The following LCOR variants were observed in gnomAD, a reference collection of about 807,000 sequenced individuals.
LCOR encodes ligand-dependent corepressor.
LCOR carries 14 observed loss-of-function variants against 64.4 expected under a neutral mutation model. The observed-to-expected ratio is 0.22, with a 90% CI of 0.14 to 0.34. LCOR has a LOEUF of 0.34. Ranked by LOEUF, LCOR falls within the 10% of genes least tolerant of loss-of-function variation. LCOR has a pLI of 1.00. For synonymous variants in LCOR, 643 were observed against 642.5 expected (o/e 1.00, Z -0.01); for missense variants, 1,686 against 1,765.3 (o/e 0.96, Z 0.80).
At chr10:96,832,665 C>G (rs868150320) in intron 1 of LCOR, among the ~76,000 whole-genome samples, 1 of 150,748 alleles carries the variant, frequency 6.6e-6, no homozygotes, top group Non-Finnish European at 1.5e-5. Context: ...GTTCCTCCCC[C>G]TCCCGCTCTC....
intron 2 of LCOR, among the ~76,000 whole-genome samples, chr10:96,901,057 C>T (rs1294495651): frequency 2.0e-5 from 3 of 151,830 alleles, no homozygotes; most frequent in Admixed American, 6.6e-5. Context: ...GGCGTGGTGG[C>T]GGGCGCCTAT....
At chr10:96,844,130 TTCCC>T (rs145650900) in intron 2 of LCOR, among the ~76,000 whole-genome samples, 1 of 65,138 alleles carries the variant, frequency 1.5e-5, no homozygotes, top group African/African-American at 7.2e-5. Context: ...CCTCCCTTCC[TTCCC>T]TCCCTCCCTC....
rs1371771053 is a variant in LCOR at position 96,989,695 on chromosome 10, A to ATATATATATAT, written c.*4562_*4563insATATATATATT. The stretch of plus-strand genomic sequence containing the variant: ...TAAGGATATATATATATATATATAT[A>ATATATATATAT]TTTTTTTTTTTTTTTTTTTTTTTTA... On this transcript the variant is annotated 3_prime_UTR_variant, in exon 8 of 8. Transcript: ENST00000421806. 4.6e-5 allele frequency: 4 copies of ATATATATATAT among 86,160 alleles called. No individual in the cohort carries two copies. Among genetic ancestry groups the ATATATATATAT allele is most frequent in the South Asian group, 4.4e-4 (1 of 2,256 alleles). 5.3% of individuals were successfully genotyped at this position (86,160 alleles called of 1,614,324 possible).
At chr10:96,851,984 GAGTC>G (rs1184225885) in intron 2 of LCOR, among the ~76,000 whole-genome samples, 1 of 152,208 alleles carries the variant, frequency 6.6e-6, no homozygotes, top group Non-Finnish European at 1.5e-5. Flanking sequence ...TATAAATTGA[GAGTC>G]AGGAATGATG....
At position 96,833,840 on chromosome 10, in the gene LCOR, C is replaced by G. The variant is rs979751686; in HGVS notation, c.-330+361C>G. ...GTGTCCATTCAGCGGCAATTTCATGCGGTGAGAAGTTCTCTTTGTTGTGCG... is the reference window on the plus strand; with the variant it reads ...GTGTCCATTCAGCGGCAATTTCATGGGGTGAGAAGTTCTCTTTGTTGTGCG... On this transcript the variant is annotated intron_variant, in intron 2 of 7. Coordinates refer to ENST00000421806, the MANE Select transcript of LCOR (RefSeq NM_001346516.2). 4.6e-5 allele frequency among the ~76,000 whole-genome samples: 7 copies of G among 152,046 alleles called. No homozygotes were observed. The South Asian group carries it at 1.5e-3, about 32-fold the overall frequency.
intron 7 of LCOR, chr10:96,962,824 C>T (rs763045498): frequency 3.9e-5 from 6 of 152,134 alleles, no homozygotes; most frequent in Non-Finnish European, 8.8e-5. Flanking sequence ...ATAACCTCCA[C>T]TTAAAGCTGT....
intron 2 of LCOR, among the ~76,000 whole-genome samples, chr10:96,884,868 ACT>A (rs1192041140): frequency 6.6e-6 from 1 of 151,974 alleles, no homozygotes; most frequent in Non-Finnish European, 1.5e-5. Context: ...TAATCAGTGC[ACT>A]CTCAGCTCTG....
intron 7 of LCOR, among the ~76,000 whole-genome samples, chr10:96,971,956 C>T (rs569400706): frequency 1.4e-4 from 22 of 152,102 alleles, no homozygotes; most frequent in Admixed American, 5.2e-4. Flanking sequence ...AAAACTTGAA[C>T]GTACAGATGA....
At chr10:96,934,043 A>G (rs1847307779) in intron 4 of LCOR, among the ~76,000 whole-genome samples, 2 of 152,134 alleles carry the variant, frequency 1.3e-5, no homozygotes, top group African/African-American at 4.8e-5. Context: ...TGTGATGTTC[A>G]CCTTAGCAAA....
chr10:96,853,427 G>C (rs919256519), intron 2 of LCOR, among the ~76,000 whole-genome samples: 3 of 152,216 alleles, frequency 2.0e-5, no homozygotes, highest in African/African-American at 7.2e-5. Context: ...TAGTGTTTCA[G>C]TTACCTGATG....
At chr10:96,876,515 A>T (rs1385710508) in intron 2 of LCOR, among the ~76,000 whole-genome samples, 1 of 152,262 alleles carries the variant, frequency 6.6e-6, no homozygotes, top group East Asian at 1.9e-4. Context: ...GACAAAAGCC[A>T]TATAATTAAA....
Position 96,833,415 on chromosome 10 carries a change from C to G in LCOR, c.-394C>G. 1.0e-6 allele frequency: 1 copy of G among 985,994 alleles called. No homozygotes were observed. The highest frequency in any genetic ancestry group is 4.7e-5 in the South Asian group (1 of 21,292). The allele number at this position is 985,994 out of a possible 1,614,324, so 61.1% of individuals were successfully genotyped here. ...GTTTTTCTCTCCCAAGGTCCCGTTT[C>G]CCTCTGTGCGGCGGCCGGCGGGACC... On this transcript the variant is annotated 5_prime_UTR_variant, in exon 2 of 8. Transcript: ENST00000421806.
At chr10:96,977,495 A>G (rs1378416090) in intron 7 of LCOR, among the ~76,000 whole-genome samples, 2 of 152,250 alleles carry the variant, frequency 1.3e-5, no homozygotes, top group Non-Finnish European at 2.9e-5. Flanking sequence ...ATCAGGAAGA[A>G]TAAATTATGT....
rs559883630 is a variant in LCOR at position 96,860,696 on chromosome 10, C to T, written c.-330+27217C>T. Among the ~76,000 whole-genome samples, 12 of 152,170 alleles carry T rather than the reference C, an allele frequency of 7.9e-5. No individual in the cohort carries two copies. In the South Asian group the frequency reaches 1.5e-3, roughly 18 times the overall value. ...ATAAAATGCTGACCATAAGTTTTCCCGGTGGATATCTTCAGAAAATGTGAT... is the reference window on the plus strand; with the variant it reads ...ATAAAATGCTGACCATAAGTTTTCCTGGTGGATATCTTCAGAAAATGTGAT... On this transcript the variant is annotated intron_variant, in intron 2 of 7. Transcript: ENST00000421806.
At chr10:96,904,123 A>T (rs555724391) in intron 2 of LCOR, among the ~76,000 whole-genome samples, 52 of 152,342 alleles carry the variant, frequency 3.4e-4, no homozygotes, top group African/African-American at 1.3e-3. Context: ...AGGGCAGGTA[A>T]CATGGCAGCT....
At chr10:96,921,191 A>G (rs1173555889) in intron 4 of LCOR, among the ~76,000 whole-genome samples, 1 of 152,034 alleles carries the variant, frequency 6.6e-6, no homozygotes, top group Non-Finnish European at 1.5e-5. Flanking sequence ...CTCCCATTTT[A>G]TAATTTATTT....
In LCOR at chr10:96,980,924, A is replaced by C. The variant is rs1270046035; in HGVS notation, c.464A>C (p.Glu155Ala). ...FIRVLNDLYTESQPGTEDLQP... is the reference protein window; with the variant it reads ...FIRVLNDLYTASQPGTEDLQP... Reference sequence around the variant, plus strand: ...CGTGTTCTGAACGACCTGTACACTGAATCTCAACCAGGCACTGAGGACCTG... The same window carrying C: ...CGTGTTCTGAACGACCTGTACACTGCATCTCAACCAGGCACTGAGGACCTG... The change falls in exon 8 of 8, where the codon GAA (glutamate) becomes GCA (alanine). Residue 155 changes from glutamate to alanine, a missense_variant. Transcript: ENST00000421806. 1.4e-6 allele frequency: 1 copy of C among 703,040 alleles called. No homozygotes were observed. Among genetic ancestry groups the C allele is most frequent in the Non-Finnish European group, 2.6e-6 (1 of 385,002 alleles). The allele number at this position is 703,040 out of a possible 1,614,324, so 43.6% of individuals were successfully genotyped here. A position where few individuals can be genotyped will look rare whatever the true frequency, so the allele number is the denominator to read the frequency against.
chr10:96,966,929 T>G (rs1169603768), intron 7 of LCOR, among the ~76,000 whole-genome samples: 1 of 152,148 alleles, frequency 6.6e-6, no homozygotes, highest in Non-Finnish European at 1.5e-5. Flanking sequence ...GGAGACAAGG[T>G]TTCAGTACGT....
intron 2 of LCOR, among the ~76,000 whole-genome samples, chr10:96,858,940 A>C (rs986635853): frequency 6.6e-6 from 1 of 152,210 alleles, no homozygotes; most frequent in Non-Finnish European, 1.5e-5. Context: ...AATTTGAGAA[A>C]GTAACCTTAA....
Sources: allele counts gnomAD v4.1 joint callset (sites outside exome capture counted in the v4.1 genomes callset), GRCh38; gene constraint gnomAD v4.1.1; transcripts MANE v1.5; gene names NCBI Gene and HGNC (gene_info 2026-07-23, HGNC 2026-07-21).